Variants in C8orf89 observed in about 807,000 individuals in gnomAD.
C8orf89 encodes putative uncharacterized protein C8orf89.
C8orf89 carries 14 observed loss-of-function variants against 15.8 expected under a neutral mutation model. The observed-to-expected ratio is 0.89, with a 90% CI of 0.59 to 1.39. The LOEUF is 1.39. Among genes scored for constraint, C8orf89 ranks in the 40% most tolerant of loss-of-function variants. The probability of loss-of-function intolerance (pLI) is 0.00; values close to 1 mark genes in which losing one functional copy is unlikely to be tolerated. For synonymous variants in C8orf89, 55 were observed against 62.2 expected (o/e 0.88, Z 0.54); for missense variants, 181 against 184.5 (o/e 0.98, Z 0.11).
the C8orf89 span, among the ~76,000 whole-genome samples, chr8:73,279,379 G>C: frequency 1.3e-5 from 2 of 152,232 alleles, no homozygotes; most frequent in African/African-American, 4.8e-5. Flanking sequence ...TTGGACTACG[G>C]TCCTGACCAT....
At chr8:73,284,171 G>A in the C8orf89 span, among the ~76,000 whole-genome samples, 1 of 148,658 alleles carries the variant, frequency 6.7e-6, no homozygotes, top group African/African-American at 2.5e-5. Context: ...ACTCAGTGCA[G>A]ACCTAAGTAA....
At chr8:73,258,788 G>A (rs1204026604) in intron 1 of C8orf89, among the ~76,000 whole-genome samples, 8 of 151,950 alleles carry the variant, frequency 5.3e-5, no homozygotes, top group East Asian at 1.9e-4. Flanking sequence ...ACACCAACAC[G>A]CTCAGCTAAT....
chr8:73,254,628 C>G (rs1002320782), intron 2 of C8orf89, among the ~76,000 whole-genome samples: 1 of 152,118 alleles, frequency 6.6e-6, no homozygotes. Context: ...CTTGTCCCAC[C>G]TCCTCCCCTT....
intron 2 of C8orf89, among the ~76,000 whole-genome samples, chr8:73,255,355 AAC>A (rs1362606269): frequency 1.3e-5 from 2 of 152,070 alleles, no homozygotes; most frequent in African/African-American, 4.8e-5. Flanking sequence ...GCAGCCAAAA[AAC>A]ACATGAAAAA....
chr8:73,274,258 C>A, the C8orf89 span, among the ~76,000 whole-genome samples: 13 of 152,134 alleles, frequency 8.5e-5, no homozygotes, highest in Non-Finnish European at 1.0e-4. Flanking sequence ...GGTTCACGCC[C>A]TTCTCCTGAC....
intron 3 of C8orf89, among the ~76,000 whole-genome samples, chr8:73,248,092 A>C (rs1265838800): frequency 6.6e-6 from 1 of 152,142 alleles, no homozygotes; most frequent in Non-Finnish European, 1.5e-5. Context: ...TTAAGTCTTT[A>C]ATCTATCTTG....
At chr8:73,242,889 G>C (rs1319282442) in intron 3 of C8orf89, among the ~76,000 whole-genome samples, 3 of 152,156 alleles carry the variant, frequency 2.0e-5, no homozygotes, top group African/African-American at 7.2e-5. Flanking sequence ...CAATGGCCAA[G>C]ATTTGGAAGT....
chr8:73,251,353 A>G (rs1813243316), intron 2 of C8orf89, among the ~76,000 whole-genome samples: 1 of 152,254 alleles, frequency 6.6e-6, no homozygotes, highest in African/African-American at 2.4e-5. Context: ...CCGCTCCTTC[A>G]CAGGCCGCTG....
intron 2 of C8orf89, 47 bp downstream of exon 2, chr8:73,256,926 C>T: frequency 7.0e-7 from 1 of 1,424,690 alleles, no homozygotes; most frequent in Non-Finnish European, 9.3e-7. Context: ...AGCAGTATTA[C>T]TACAAATACA....
the C8orf89 span, among the ~76,000 whole-genome samples, chr8:73,283,669 T>A: frequency 4.6e-5 from 7 of 152,326 alleles, no homozygotes; most frequent in African/African-American, 1.2e-4. Flanking sequence ...TCTATCAAAA[T>A]TTTTTAATGT....
the C8orf89 span, among the ~76,000 whole-genome samples, chr8:73,272,208 C>G: frequency 6.6e-6 from 1 of 152,100 alleles, no homozygotes; most frequent in Non-Finnish European, 1.5e-5. Flanking sequence ...AGAAGTATAT[C>G]TTTCTTGCAG....
the C8orf89 span, among the ~76,000 whole-genome samples, chr8:73,281,060 T>C: frequency 3.3e-5 from 5 of 152,116 alleles, no homozygotes; most frequent in Non-Finnish European, 5.9e-5. Flanking sequence ...TCTAGTAATA[T>C]ACATGTCCTT....
the C8orf89 span, chr8:73,277,865 G>C: frequency 1.4e-6 from 1 of 699,296 alleles, no homozygotes; most frequent in South Asian, 1.4e-5. Context: ...CAAAGTCCTT[G>C]GTTCCTTCTC....
chr8:73,284,232 G>A, the C8orf89 span, among the ~76,000 whole-genome samples: 33 of 7,300 alleles, frequency 4.5e-3, no homozygotes, highest in African/African-American at 0.014. Flanking sequence ...TTTTTTTTTG[G>A]TGATGGAGTC....
chr8:73,273,946 C>T, the C8orf89 span, among the ~76,000 whole-genome samples: 2 of 151,814 alleles, frequency 1.3e-5, no homozygotes, highest in African/African-American at 4.8e-5. Flanking sequence ...TAAGAAATAC[C>T]ATTAAAAGGT....
chr8:73,256,837 ATTAAATCCTTTATGT>A (rs1813401779), intron 2 of C8orf89, 121 bp downstream of exon 2: 1 of 515,730 alleles, frequency 1.9e-6, no homozygotes, highest in African/African-American at 2.1e-5. Flanking sequence ...GATTTTAAAA[ATTAAATCCTTTATGT>A]AAAAAAAAAA....
At chr8:73,243,532 C>CT (rs1330028361) in intron 3 of C8orf89, among the ~76,000 whole-genome samples, 11 of 151,796 alleles carry the variant, frequency 7.2e-5, no homozygotes, top group Admixed American at 2.6e-4. Flanking sequence ...TTTTTCTTTT[C>CT]TTTTTTTTGA....
intron 3 of C8orf89, among the ~76,000 whole-genome samples, chr8:73,249,965 T>G (rs2130259984): frequency 6.6e-6 from 1 of 152,232 alleles, no homozygotes; most frequent in African/African-American, 2.4e-5. Flanking sequence ...AGTCAAAGTT[T>G]TAGGCTTTTT....
chr8:73,269,443 A>C, the C8orf89 span, among the ~76,000 whole-genome samples: 1 of 152,244 alleles, frequency 6.6e-6, no homozygotes, highest in African/African-American at 2.4e-5. Flanking sequence ...GCTCTAATAC[A>C]GAATTTTTCC....
Sources: gnomAD v4.1 joint callset for allele counts (sites outside exome capture counted in the v4.1 genomes callset) on GRCh38, gnomAD v4.1.1 for gene constraint, MANE v1.5 for transcripts, NCBI Gene and HGNC (gene_info 2026-07-23, HGNC 2026-07-21) for gene names.